Variants in E2F7 observed in about 807,000 individuals in gnomAD.
E2F7 encodes the protein transcription factor E2F7.
In E2F7, 35 loss-of-function variants were observed where a neutral mutation model predicts 81.1. The ratio of observed to expected loss-of-function variants is 0.43; its 90% CI spans 0.33 to 0.57. The LOEUF is 0.57. Ranked by LOEUF, E2F7 falls within the 20% of genes least tolerant of loss-of-function variation. The pLI is 0.04. For missense variants in E2F7, 961 were observed against 1,093.7 expected, an observed-to-expected ratio of 0.88 and a Z score of 1.71; for synonymous variants, 416 against 416.2, an observed-to-expected ratio of 1.00 and a Z score of 0.01.
At chr12:77,026,331 C>T (rs1226335928) in intron 11 of E2F7, among the ~76,000 whole-genome samples, 1 of 152,162 alleles carries the variant, frequency 6.6e-6, no homozygotes, top group East Asian at 1.9e-4. Flanking sequence ...GAGACCCAGT[C>T]TTGCTCTGTT....
chr12:77,046,396 G>T, intron 4 of E2F7, 68 bp from the exon 5 acceptor site: 3 of 1,520,648 alleles, frequency 2.0e-6, no homozygotes, highest in Non-Finnish European at 2.7e-6. Flanking sequence ...TTCCTTGAGG[G>T]CCTGGACTAT....
chr12:77,046,370 C>T (rs770629120), intron 4 of E2F7, 42 bp from the exon 5 acceptor site: 2 of 1,581,118 alleles, frequency 1.3e-6, no homozygotes, highest in African/African-American at 1.4e-5. Context: ...TGCAGACAAA[C>T]ATTTTTGAAG....
At chr12:77,025,534 T>A in intron 12 of E2F7, 24 bp downstream of exon 12, 2 of 1,610,266 alleles carry the variant, frequency 1.2e-6, no homozygotes, top group Non-Finnish European at 1.7e-6. Context: ...AGTGACAGTG[T>A]CTTCAGGAAA....
At chr12:77,041,548 T>C (rs1019592484) in intron 7 of E2F7, among the ~76,000 whole-genome samples, 3 of 152,194 alleles carry the variant, frequency 2.0e-5, no homozygotes, top group Non-Finnish European at 4.4e-5. Context: ...TCTCTTTTAA[T>C]CATTGTCTGA....
chr12:77,021,536 A>G lies in E2F7; in HGVS notation c.*2479T>C, dbSNP rs887111948. On this transcript the variant is annotated 3_prime_UTR_variant, in exon 13 of 13. Transcript: ENST00000322886. ...TTTAAATACAGAAATAGCACCTTAC[A>G]AAAAGGAATTGAGAAATGTAAACTT... 2.0e-5 allele frequency: 3 copies of G among 152,624 alleles called. No homozygotes were observed. The highest frequency in any genetic ancestry group is 4.4e-5 in the Non-Finnish European group (3 of 68,028). The allele number at this position is 152,624 out of a possible 1,614,324, so 9.5% of individuals were successfully genotyped here.
At chr12:77,058,050 C>T (rs1417724009) in intron 2 of E2F7, among the ~76,000 whole-genome samples, 2 of 152,150 alleles carry the variant, frequency 1.3e-5, no homozygotes, top group African/African-American at 4.8e-5. Context: ...CTAGCCATGG[C>T]AACATTCGGT....
intron 7 of E2F7, among the ~76,000 whole-genome samples, chr12:77,036,776 C>T (rs1025616705): frequency 7.3e-5 from 11 of 150,448 alleles, no homozygotes; most frequent in African/African-American, 2.7e-4. Context: ...GAGTCTCGCT[C>T]TGTCGCCCAG....
At chr12:77,026,398 G>T (rs1278242404) in intron 11 of E2F7, among the ~76,000 whole-genome samples, 6 of 152,106 alleles carry the variant, frequency 3.9e-5, no homozygotes, top group African/African-American at 1.4e-4. Context: ...ACCCTCCTGG[G>T]CTCAAGCAGT....
At chr12:77,026,509 C>T (rs1468338747) in intron 11 of E2F7, among the ~76,000 whole-genome samples, 4 of 151,960 alleles carry the variant, frequency 2.6e-5, no homozygotes, top group Admixed American at 2.6e-4. Context: ...TCCTATGTTG[C>T]CCGGCTGGTG....
chr12:77,047,195 G>T lies in E2F7; in HGVS notation c.539-867C>A, dbSNP rs139285915. 1.0e-3 allele frequency among the ~76,000 whole-genome samples: 157 copies of T among 152,256 alleles called. 1 individual carries two copies. Among genetic ancestry groups the T allele is most frequent in the Middle Eastern group, 3.4e-3 (1 of 294 alleles). ...AAAAATACTTATAGTTGTTAAGGGT[G>T]GGGGGCTCTTGGGTCAGACTGCCTA... On this transcript the variant is annotated intron_variant, in intron 4 of 12. Coordinates refer to ENST00000322886, the MANE Select transcript of E2F7 (RefSeq NM_203394.3).
At chr12:77,063,953 A>G (rs1955097986) in intron 2 of E2F7, among the ~76,000 whole-genome samples, 1 of 152,244 alleles carries the variant, frequency 6.6e-6, no homozygotes, top group Non-Finnish European at 1.5e-5. Flanking sequence ...AATGTTCTTG[A>G]AAACAACATC....
chr12:77,048,568 C>T (rs543270891), intron 4 of E2F7, among the ~76,000 whole-genome samples: 1 of 152,196 alleles, frequency 6.6e-6, no homozygotes. Flanking sequence ...TAGTTAAATA[C>T]AGTCCTGCAG....
chr12:77,025,400 G>T (rs1954748829), intron 12 of E2F7, among the ~76,000 whole-genome samples, 158 bp downstream of exon 12: 1 of 152,158 alleles, frequency 6.6e-6, no homozygotes, highest in Non-Finnish European at 1.5e-5. Context: ...ATGTCTCAGT[G>T]CTTTATAAAA....
Position 77,027,887 on chromosome 12 carries a change from A to G in E2F7, c.2136T>C (p.Pro712=). The part of the protein sequence containing the change: ...SLLQYLCVQS[P]AGLNGFNVLL... ...AGACATGATGACATCCCTTACCTGC[A>G]GGAGACTGCACACAAAGATATTGTA... Residue 712 remains proline (P), a synonymous_variant, in exon 11 of 13, where the codon CCT becomes CCC. Transcript: ENST00000322886. 1 of 1,614,050 alleles carries G rather than the reference A, an allele frequency of 6.2e-7. No homozygotes were observed. Among genetic ancestry groups the G allele is most frequent in the Non-Finnish European group, 8.5e-7 (1 of 1,180,002 alleles).
chr12:77,024,115 C>CCTT lies in E2F7; in HGVS notation c.2635_2636insAAG (p.Ser879delinsLysGly). The stretch of plus-strand genomic sequence containing the variant: ...TCTCTTCAGGACAGGGTCTCCAAGG[C>CCTT]TGCCGGGTGTCTTGAAAAACGTCTC... On this transcript the variant is annotated protein_altering_variant, in exon 13 of 13. Coordinates refer to ENST00000322886, the MANE Select transcript of E2F7 (RefSeq NM_203394.3). 1 of 1,614,028 alleles carries CCTT rather than the reference C, an allele frequency of 6.2e-7. No homozygotes were observed. The highest frequency in any genetic ancestry group is 1.1e-5 in the South Asian group (1 of 91,062).
intron 6 of E2F7, among the ~76,000 whole-genome samples, chr12:77,043,615 T>C (rs2120692752): frequency 6.6e-6 from 1 of 151,852 alleles, no homozygotes; most frequent in South Asian, 2.1e-4. Context: ...TCTGTGAAAA[T>C]GACAAAGATT....
At position 77,044,800 on chromosome 12, in the gene E2F7, A is replaced by T; in HGVS notation, c.830-5T>A. 1 of 1,612,484 alleles carries T rather than the reference A, an allele frequency of 6.2e-7. No individual in the cohort carries two copies. On this transcript the variant is annotated splice_region_variant and splice_polypyrimidine_tract_variant and intron_variant, in intron 5 of 12. Coordinates refer to ENST00000322886, the MANE Select transcript of E2F7 (RefSeq NM_203394.3). ...CTTTTCTACTGTTTGCAGATGCTACACAAGGAATGAAACAAAAGCATCAAA... is the reference window on the plus strand; with the variant it reads ...CTTTTCTACTGTTTGCAGATGCTACTCAAGGAATGAAACAAAAGCATCAAA...
Position 77,044,679 on chromosome 12 carries a change from T to C in E2F7, c.946A>G (p.Ile316Val). The change falls in exon 6 of 13, where the codon ATA (isoleucine) becomes GTA (valine). Residue 316 changes from isoleucine (I) to valine (V), a missense_variant. By Grantham distance (29) the Ile-to-Val change is conservative. Coordinates refer to ENST00000322886, the MANE Select transcript of E2F7 (RefSeq NM_203394.3). The part of the protein sequence containing the change: ...VTLDVAAKIL[I>V]EESQDAPDHS... ...TCTGGGGCATCTTGGCTTTCTTCTA[T>C]CAGTATTTTGGCAGCCACATCCAGA... 2 of 1,614,194 alleles carry C rather than the reference T, an allele frequency of 1.2e-6. No homozygotes were observed. The highest frequency in any genetic ancestry group is 1.7e-6 in the Non-Finnish European group (2 of 1,180,016).
chr12:77,050,486 C>T, intron 4 of E2F7, 90 bp downstream of exon 4: 2 of 1,360,486 alleles, frequency 1.5e-6, no homozygotes, highest in Non-Finnish European at 2.0e-6. Flanking sequence ...ATTGAGGGGC[C>T]CACTCTACTT....
Sources: gnomAD v4.1 joint callset for allele counts (sites outside exome capture counted in the v4.1 genomes callset) on GRCh38, gnomAD v4.1.1 for gene constraint, MANE v1.5 for transcripts, NCBI Gene and HGNC (gene_info 2026-07-23, HGNC 2026-07-21) for gene names.